The following JHY variants were observed in gnomAD, a reference collection of about 807,000 sequenced individuals.
The protein encoded by JHY is jhy protein homolog.
JHY carries 69 observed loss-of-function variants against 78.0 expected under a neutral mutation model. The ratio of observed to expected loss-of-function variants is 0.88; its 90% CI spans 0.73 to 1.08. The LOEUF is 1.08. JHY is among the 50% of genes least tolerant of loss of function. JHY has a pLI of 0.00. For synonymous variants in JHY, 368 were observed against 342.6 expected (o/e 1.07, Z -0.82); for missense variants, 944 against 927.8 (o/e 1.02, Z -0.23).
chr11:122,939,485 G>A (rs938171180), intron 5 of JHY, among the ~76,000 whole-genome samples: 6 of 152,090 alleles, frequency 3.9e-5, no homozygotes, highest in Admixed American at 2.0e-4. Flanking sequence ...TCAACCATCT[G>A]TTCTCTGCTT....
At chr11:122,893,001 A>G (rs1476488411) in intron 2 of JHY, among the ~76,000 whole-genome samples, 1 of 152,198 alleles carries the variant, frequency 6.6e-6, no homozygotes, top group Non-Finnish European at 1.5e-5. Context: ...TCAGGAGTCA[A>G]CTTTCATTCC....
In JHY at chr11:122,917,492, A is replaced by G. The variant is rs1863256643; in HGVS notation, c.865-7405A>G. 6.6e-6 allele frequency among the ~76,000 whole-genome samples: 1 copy of G among 152,222 alleles called. No homozygotes were observed. Among genetic ancestry groups the G allele is most frequent in the Non-Finnish European group, 1.5e-5 (1 of 68,034 alleles). ...CATCATCATCACCTGGGAACTTAAC[A>G]CAAGTGGAAATTCTTGGGCCCCATG... On this transcript the variant is annotated intron_variant, in intron 3 of 8. Transcript: ENST00000227349. This position sits in a 1 kb window ranked among gnomAD's most constrained non-coding sequence, Gnocchi z 4.1.
At chr11:122,887,325 T>A (rs1159592469) in intron 2 of JHY, among the ~76,000 whole-genome samples, 7 of 152,222 alleles carry the variant, frequency 4.6e-5, no homozygotes, top group Non-Finnish European at 7.3e-5. Flanking sequence ...GTGTTAGTTT[T>A]TTTTGTGTGT....
rs752008959 is a variant in JHY at position 122,960,920 on chromosome 11, C to T, written c.*1475C>T. Reference sequence around the variant, plus strand: ...GAGTGTATAAGGAAGTAAAGAATCGCCTGGACTATCATATATCTGTGCAGA... The same window carrying T: ...GAGTGTATAAGGAAGTAAAGAATCGTCTGGACTATCATATATCTGTGCAGA... On this transcript the variant is annotated 3_prime_UTR_variant, in exon 9 of 9. Transcript: ENST00000227349. 6.2e-5 allele frequency: 44 copies of T among 708,308 alleles called. No individual in the cohort carries two copies. The highest frequency in any genetic ancestry group is 9.7e-5 in the Non-Finnish European group (36 of 369,958). The allele number at this position is 708,308 out of a possible 1,614,324, so 43.9% of individuals were successfully genotyped here.
chr11:122,886,129 G>C lies in JHY; in HGVS notation c.280G>C (p.Gly94Arg). The change falls in exon 2 of 9, where the codon GGA becomes CGA. Residue 94 changes from glycine to arginine, a missense_variant. By Grantham distance (125) the Gly-to-Arg change is moderately radical. Coordinates refer to ENST00000227349, the MANE Select transcript of JHY (RefSeq NM_024806.4). ...SLHEMEEEAS[G>R]KAAQMAREQN... is the part of the protein sequence containing the mutation. ...GCACGAGATGGAAGAGGAAGCAAGT[G>C]GAAAAGCAGCTCAGATGGCTCGCGA... 1 of 1,614,114 alleles carries C rather than the reference G, an allele frequency of 6.2e-7. No individual in the cohort carries two copies. The highest frequency in any genetic ancestry group is 2.2e-5 in the East Asian group (1 of 44,882).
At chr11:122,919,209 C>T (rs1384961563) in intron 3 of JHY, among the ~76,000 whole-genome samples, 4 of 151,768 alleles carry the variant, frequency 2.6e-5, no homozygotes, top group Non-Finnish European at 4.4e-5. Flanking sequence ...AAAAATTAGC[C>T]AGGCATGGTG....
At chr11:122,931,751 C>T (rs1213126383) in intron 4 of JHY, among the ~76,000 whole-genome samples, 1 of 152,072 alleles carries the variant, frequency 6.6e-6, no homozygotes, top group Non-Finnish European at 1.5e-5. Context: ...TGGTTGAGAT[C>T]AGAGCAGGCA....
intron 2 of JHY, among the ~76,000 whole-genome samples, chr11:122,896,005 T>C (rs1423524731): frequency 1.3e-5 from 2 of 152,188 alleles, no homozygotes; most frequent in African/African-American, 4.8e-5. Context: ...AAGGGGATGT[T>C]TAAGATAGTC....
At chr11:122,924,753 G>A (rs1489739563) in intron 3 of JHY, 144 bp from the exon 4 acceptor site, 1 of 612,022 alleles carries the variant, frequency 1.6e-6, no homozygotes, top group Non-Finnish European at 2.9e-6. Context: ...GGTCCCTGAG[G>A]ACTGATGAGA....
chr11:122,923,278 G>C (rs1863415630), intron 3 of JHY, among the ~76,000 whole-genome samples: 2 of 152,318 alleles, frequency 1.3e-5, no homozygotes, highest in Middle Eastern at 6.8e-3. Context: ...TGCTCAGTTA[G>C]GGAGCAATAT....
rs192204054 is a variant in JHY, at chr11:122,887,988, G to A, written c.344+1795G>A. Among the ~76,000 whole-genome samples the A allele has an allele frequency of 6.1e-3, 903 of 148,654 alleles. 14 individuals carry two copies. Among genetic ancestry groups the A allele is most frequent in the African/African-American group, 0.021 (853 of 39,714 alleles). On this transcript the variant is annotated intron_variant, in intron 2 of 8. Transcript: ENST00000227349. ...GCAAGGGCTCGTGTGGGAGCGAGAAGTAGAGCCCGGTCCTGAGTCTTTTCT... is the reference window on the plus strand; with the variant it reads ...GCAAGGGCTCGTGTGGGAGCGAGAAATAGAGCCCGGTCCTGAGTCTTTTCT...
intron 5 of JHY, among the ~76,000 whole-genome samples, chr11:122,936,297 G>A (rs190079205): frequency 1.2e-3 from 183 of 152,238 alleles, no homozygotes; most frequent in African/African-American, 4.2e-3. Flanking sequence ...AAAGTAGGGA[G>A]ACAATTACTC....
chr11:122,957,684 C>T (rs1864222037), intron 8 of JHY, among the ~76,000 whole-genome samples, 193 bp downstream of exon 8: 1 of 151,066 alleles, frequency 6.6e-6, no homozygotes, highest in Admixed American at 6.6e-5. Context: ...CACACCCAGC[C>T]CGTTTTCTTG....
At chr11:122,929,216 C>T (rs1202804962) in intron 4 of JHY, among the ~76,000 whole-genome samples, 10 of 151,426 alleles carry the variant, frequency 6.6e-5, no homozygotes, top group Non-Finnish European at 1.5e-4. Flanking sequence ...TGTGAGCCAC[C>T]ACGCCTGGCC....
In JHY at chr11:122,911,820, G is replaced by T. The variant is rs530548616; in HGVS notation, c.864+7376G>T. On this transcript the variant is annotated intron_variant, in intron 3 of 8. Coordinates refer to ENST00000227349, the MANE Select transcript of JHY (RefSeq NM_024806.4). ...CTCAGGAGGCTGAGGCAGGAGATAC[G>T]CTTGAACCCGGGAGGTGGAGGTTAT... Among the ~76,000 whole-genome samples the T allele has an allele frequency of 5.9e-4, 81 of 136,268 alleles. 1 individual carries two copies. In the Admixed American group the frequency reaches 6.8e-3, roughly 11 times the overall value. 89.4% of individuals were successfully genotyped at this position (136,268 alleles called of 152,430 possible). A position where few individuals can be genotyped will look rare whatever the true frequency, so the allele number is the denominator to read the frequency against.
intron 4 of JHY, among the ~76,000 whole-genome samples, chr11:122,928,806 G>A (rs1194534356): frequency 1.3e-5 from 2 of 151,914 alleles, no homozygotes; most frequent in East Asian, 1.9e-4. Flanking sequence ...CCGCCACCAC[G>A]CCCGGCTAAT....
At chr11:122,943,986 G>T (rs745790259) in intron 5 of JHY, among the ~76,000 whole-genome samples, 1 of 152,134 alleles carries the variant, frequency 6.6e-6, no homozygotes, top group Non-Finnish European at 1.5e-5. Flanking sequence ...AGGGAGGATT[G>T]CTTGAGTCCA....
intron 3 of JHY, among the ~76,000 whole-genome samples, chr11:122,914,479 C>G (rs182118617): frequency 6.2e-4 from 94 of 152,130 alleles, no homozygotes; most frequent in African/African-American, 2.2e-3. Context: ...GAGTCTCGCT[C>G]TGTAGCCCAG....
chr11:122,892,089 A>G (rs903265166), intron 2 of JHY, among the ~76,000 whole-genome samples: 3 of 152,138 alleles, frequency 2.0e-5, no homozygotes, highest in Non-Finnish European at 4.4e-5. Flanking sequence ...CATAGTAGCC[A>G]TTATTCTTCA....
Sources: allele counts gnomAD v4.1 joint callset (sites outside exome capture counted in the v4.1 genomes callset), GRCh38; gene constraint gnomAD v4.1.1; non-coding constraint Gnocchi (gnomAD v3.1); transcripts MANE v1.5; gene names NCBI Gene and HGNC (gene_info 2026-07-23, HGNC 2026-07-21).